The following MLIP variants were observed in gnomAD, a reference collection of about 807,000 sequenced individuals.
MLIP encodes muscular LMNA-interacting protein.
MLIP carries 79 observed loss-of-function variants against 84.8 expected under a neutral mutation model. That is an observed-to-expected ratio of 0.93 (90% CI 0.78 to 1.12). MLIP has a LOEUF of 1.12. Among genes scored for constraint, MLIP ranks in the 50% most tolerant of loss-of-function variants. MLIP has a pLI of 0.00. For synonymous variants in MLIP, 504 were observed against 463.0 expected (o/e 1.09, Z -1.14); for missense variants, 1,257 against 1,160.6 (o/e 1.08, Z -1.21).
chr6:54,256,134 A>G (rs569892771), intron 12 of MLIP, among the ~76,000 whole-genome samples: 15 of 152,170 alleles, frequency 9.9e-5, no homozygotes, highest in Non-Finnish European at 2.1e-4. Context: ...TCCTGTTGCT[A>G]TGATACCCAA....
intron 12 of MLIP, among the ~76,000 whole-genome samples, chr6:54,235,107 A>G (rs920006809): frequency 8.5e-5 from 13 of 152,168 alleles, no homozygotes; most frequent in Admixed American, 6.5e-4. Context: ...TCAGTCCCCA[A>G]ACTCAAAACT....
intron 2 of MLIP, among the ~76,000 whole-genome samples, chr6:54,122,206 T>A (rs667378): frequency 0.97 from 148,377 of 152,212 alleles, 72,433 homozygotes; most frequent in East Asian, 1. Context: ...AAATAAAAAA[T>A]GCCTAATATC....
intron 1 of MLIP, among the ~76,000 whole-genome samples, chr6:54,052,502 T>G (rs1409916853): frequency 6.6e-6 from 1 of 152,174 alleles, no homozygotes. Context: ...AGCTAAAGTT[T>G]GAAAAGACAC....
chr6:54,059,815 T>G (rs1293303648), intron 1 of MLIP, among the ~76,000 whole-genome samples: 1 of 152,252 alleles, frequency 6.6e-6, no homozygotes, highest in African/African-American at 2.4e-5. Context: ...TCTAACTTTG[T>G]GTGTTATCTA....
At chr6:54,019,001 C>T in exon 1 of MLIP, 1 of 1,577,382 alleles carries the variant, frequency 6.3e-7, no homozygotes, top group Non-Finnish European at 8.7e-7. Context: ...GTCTCTCAGT[C>T]TTTCTCTCTT....
chr6:54,119,445 A>G (rs190255770), intron 1 of MLIP, among the ~76,000 whole-genome samples: 2 of 152,226 alleles, frequency 1.3e-5, no homozygotes, highest in Non-Finnish European at 2.9e-5. Flanking sequence ...TAGAAAGACA[A>G]ATACTGCATG....
intron 10 of MLIP, 104 bp downstream of exon 10, chr6:54,190,018 TA>T (rs754362123): frequency 3.8e-5 from 30 of 787,230 alleles, no homozygotes; most frequent in Non-Finnish European, 4.9e-5. Context: ...TATATATTTT[TA>T]TTCACTTACT....
At chr6:54,117,961 C>A (rs527794745) in intron 1 of MLIP, among the ~76,000 whole-genome samples, 1 of 128,576 alleles carries the variant, frequency 7.8e-6, no homozygotes, top group Admixed American at 8.4e-5. Context: ...ACAACAACAA[C>A]AACAACAGCA....
intron 9 of MLIP, among the ~76,000 whole-genome samples, chr6:54,186,869 G>A (rs943513515): frequency 6.6e-6 from 1 of 152,152 alleles, no homozygotes; most frequent in Non-Finnish European, 1.5e-5. Context: ...TAAAGTTCTT[G>A]TAGAACATGT....
In MLIP at chr6:54,248,922, T is replaced by C. The variant is rs1329965160; in HGVS notation, c.2923-8386T>C. On this transcript the variant is annotated intron_variant, in intron 12 of 13. Coordinates refer to ENST00000502396, the MANE Select transcript of MLIP (RefSeq NM_001281747.2). ...ACCAACATGTATTATCAAGTGAATA[T>C]ATAATAACCAAGGGAGTACACAAAA... 2.6e-5 allele frequency among the ~76,000 whole-genome samples: 4 copies of C among 152,068 alleles called. No homozygotes were observed. In the South Asian group the frequency reaches 8.3e-4, roughly 32 times the overall value.
chr6:54,159,814 A>G (rs1199341443), intron 5 of MLIP, among the ~76,000 whole-genome samples: 10 of 152,082 alleles, frequency 6.6e-5, no homozygotes, highest in Non-Finnish European at 1.5e-4. Flanking sequence ...AAACAATGGA[A>G]TAGAGATTTT....
chr6:54,205,824 CTTCG>C (rs1179270106), intron 11 of MLIP, among the ~76,000 whole-genome samples: 2 of 152,032 alleles, frequency 1.3e-5, no homozygotes, highest in African/African-American at 4.8e-5. Context: ...CTGAAATTGT[CTTCG>C]TTCATTATTA....
chr6:54,260,129 T>C (rs905992257), intron 13 of MLIP, among the ~76,000 whole-genome samples: 1 of 151,978 alleles, frequency 6.6e-6, no homozygotes, highest in Admixed American at 6.6e-5. Flanking sequence ...ATTTCTTGAA[T>C]CAAATCAGGC....
intron 12 of MLIP, among the ~76,000 whole-genome samples, chr6:54,247,972 C>G (rs550182132): frequency 6.6e-6 from 1 of 152,180 alleles, no homozygotes; most frequent in African/African-American, 2.4e-5. Context: ...TGATATTACA[C>G]CTGGGATCTG....
chr6:54,157,602 T>C (rs1357379368), intron 5 of MLIP, among the ~76,000 whole-genome samples: 1 of 152,086 alleles, frequency 6.6e-6, no homozygotes, highest in Non-Finnish European at 1.5e-5. Context: ...TGAGTATATG[T>C]GACTAACAAA....
At chr6:54,097,632 T>C (rs546175751) in intron 1 of MLIP, among the ~76,000 whole-genome samples, 6 of 152,300 alleles carry the variant, frequency 3.9e-5, no homozygotes, top group Non-Finnish European at 7.4e-5. Flanking sequence ...AGTTATTTTA[T>C]ATATGTGTGT....
In MLIP at chr6:54,138,146, G is replaced by T; in HGVS notation, c.2077G>T (p.Gly693Trp). Reference protein sequence around the residue: ...CGSGTLPSRLGKSESTTPNHR... With the variant: ...CGSGTLPSRLWKSESTTPNHR... ...CAGTGGTACCTTGCCTTCAAGACTT[G>T]GGAAATCTGAAAGCACCACCCCCAA... is the stretch of plus-strand genomic sequence containing the variant. The change falls in exon 4 of 14, where the codon GGG (glycine) becomes TGG (tryptophan). Residue 693 changes from glycine (G) to tryptophan (W), a missense_variant. Coordinates refer to ENST00000502396, the MANE Select transcript of MLIP (RefSeq NM_001281747.2). 1 of 1,536,006 alleles carries T rather than the reference G, an allele frequency of 6.5e-7. No homozygotes were observed.
intron 5 of MLIP, among the ~76,000 whole-genome samples, chr6:54,158,447 C>A (rs868095133): frequency 6.6e-6 from 1 of 151,946 alleles, no homozygotes; most frequent in African/African-American, 2.4e-5. Flanking sequence ...TTTTTGGTAA[C>A]CTCTTTTGTA....
chr6:54,187,060 G>A (rs1298189335), intron 9 of MLIP, among the ~76,000 whole-genome samples: 1 of 152,072 alleles, frequency 6.6e-6, no homozygotes, highest in Non-Finnish European at 1.5e-5. Flanking sequence ...TACATTCTTG[G>A]GTGATAAGAA....
Sources: allele counts gnomAD v4.1 joint callset (sites outside exome capture counted in the v4.1 genomes callset), GRCh38; gene constraint gnomAD v4.1.1; transcripts MANE v1.5; gene names NCBI Gene and HGNC (gene_info 2026-07-23, HGNC 2026-07-21).